Variants in RAD50 observed in about 807,000 individuals in gnomAD.
RAD50 encodes RAD50 double strand break repair protein.
In RAD50, 132 loss-of-function variants were observed where a neutral mutation model predicts 168.8. The ratio of observed to expected loss-of-function variants is 0.78; its 90% CI spans 0.68 to 0.90. The LOEUF (loss-of-function observed/expected upper bound fraction) is 0.90, where lower values mean the gene tolerates loss of function less well. Among genes scored for constraint, RAD50 ranks in the 40% least tolerant of loss-of-function variants. The probability of loss-of-function intolerance (pLI) is 0.00; values close to 1 mark genes in which losing one functional copy is unlikely to be tolerated. For synonymous variants in RAD50, 525 were observed against 497.4 expected, an observed-to-expected ratio of 1.06 and a Z score of -0.74; for missense variants, 1,347 against 1,534.4, an observed-to-expected ratio of 0.88 and a Z score of 2.04.
intron 5 of RAD50, among the ~76,000 whole-genome samples, chr5:132,586,720 C>T (rs1750600967): frequency 6.6e-6 from 1 of 152,086 alleles, no homozygotes; most frequent in African/African-American, 2.4e-5. Context: ...TTAGGTTCTG[C>T]TGGGCATGGT....
chr5:132,597,941 A>G (rs1296529439), intron 13 of RAD50, among the ~76,000 whole-genome samples: 1 of 152,226 alleles, frequency 6.6e-6, no homozygotes, highest in African/African-American at 2.4e-5. Flanking sequence ...TGAAATTGGT[A>G]GAAAGTACAC....
intron 10 of RAD50, among the ~76,000 whole-genome samples, 197 bp from the exon 11 acceptor site, chr5:132,591,680 C>G (rs1750702554): frequency 6.6e-6 from 1 of 151,992 alleles, no homozygotes; most frequent in South Asian, 2.1e-4. Context: ...TATTGTTCGA[C>G]TTGGTACTCC....
At chr5:132,572,032 T>C (rs1442351901) in intron 2 of RAD50, among the ~76,000 whole-genome samples, 1 of 152,208 alleles carries the variant, frequency 6.6e-6, no homozygotes. Context: ...CTGAATCCTT[T>C]TGCTCTAAAG....
At chr5:132,617,097 A>C (rs948531043) in intron 20 of RAD50, among the ~76,000 whole-genome samples, 1 of 152,186 alleles carries the variant, frequency 6.6e-6, no homozygotes, top group Non-Finnish European at 1.5e-5. Context: ...AGAGGAAATT[A>C]TGATGAAAGC....
chr5:132,634,247 G>A (rs1751531446), intron 21 of RAD50, among the ~76,000 whole-genome samples: 1 of 151,888 alleles, frequency 6.6e-6, no homozygotes, highest in Admixed American at 6.6e-5. Context: ...TTATCCTATT[G>A]TAAAGTTTTA....
chr5:132,570,381 A>C (rs1450187199), intron 2 of RAD50, among the ~76,000 whole-genome samples: 1 of 152,266 alleles, frequency 6.6e-6, no homozygotes, highest in Non-Finnish European at 1.5e-5. Context: ...ATTGCAGGTT[A>C]AGTTCTAATG....
rs786201152 is a variant in RAD50 at position 132,589,669 on chromosome 5, G to A, written c.1284G>A (p.Gln428=). 5.0e-6 allele frequency: 8 copies of A among 1,607,302 alleles called. No homozygotes were observed. Among genetic ancestry groups the A allele is most frequent in the Non-Finnish European group, 6.8e-6 (8 of 1,176,990 alleles). Residue 428 remains glutamine, a synonymous_variant, in exon 9 of 25, where the codon CAG becomes CAA. Coordinates refer to ENST00000378823, the MANE Select transcript of RAD50 (RefSeq NM_005732.4). ...FAEKETLKQK[Q]IDEIRDKKTG... ...AAAAAGAGACTCTGAAACAAAAACAGATAGATGAGATAAGAGATAAGAAAA... is the reference window on the plus strand; with the variant it reads ...AAAAAGAGACTCTGAAACAAAAACAAATAGATGAGATAAGAGATAAGAAAA...
At chr5:132,640,529 C>T (rs1209096844) in intron 23 of RAD50, 143 bp from the exon 24 acceptor site, 2 of 1,114,132 alleles carry the variant, frequency 1.8e-6, no homozygotes, top group African/African-American at 3.1e-5. Flanking sequence ...GTGCTGGGCT[C>T]TCCCAGAGGG....
chr5:132,616,713 C>T (rs17772565), intron 20 of RAD50, among the ~76,000 whole-genome samples: 12,624 of 152,192 alleles, frequency 0.083, 769 homozygotes, highest in East Asian at 0.32. Flanking sequence ...TCTGTAAGAA[C>T]CTTGTTGATG....
intron 13 of RAD50, among the ~76,000 whole-genome samples, chr5:132,598,407 T>C (rs1750829777): frequency 6.6e-6 from 1 of 152,212 alleles, no homozygotes; most frequent in South Asian, 2.1e-4. Context: ...CCACAGTTCC[T>C]TGTATATTGC....
intron 19 of RAD50, among the ~76,000 whole-genome samples, chr5:132,613,399 A>AG (rs1751120778): frequency 6.6e-6 from 1 of 152,046 alleles, no homozygotes; most frequent in Non-Finnish European, 1.5e-5. Context: ...GAATGGAAAA[A>AG]CATTTGTGGT....
intron 13 of RAD50, among the ~76,000 whole-genome samples, chr5:132,603,017 T>C (rs1223971124): frequency 6.6e-6 from 1 of 152,196 alleles, no homozygotes; most frequent in Non-Finnish European, 1.5e-5. Flanking sequence ...AGCAAGATAT[T>C]TACATAGTCT....
chr5:132,621,311 A>G (rs1398336160), intron 21 of RAD50, among the ~76,000 whole-genome samples: 3 of 152,202 alleles, frequency 2.0e-5, no homozygotes, highest in Non-Finnish European at 4.4e-5. Context: ...TTTAAAAACC[A>G]TAGCTTTAAT....
intron 2 of RAD50, among the ~76,000 whole-genome samples, chr5:132,574,887 A>G (rs1254820510): frequency 6.6e-6 from 1 of 152,144 alleles, no homozygotes; most frequent in Non-Finnish European, 1.5e-5. Context: ...CCTTATCTCC[A>G]TCTGAGACCA....
chr5:132,620,224 G>T (rs949285118), intron 21 of RAD50, among the ~76,000 whole-genome samples: 6 of 152,124 alleles, frequency 3.9e-5, no homozygotes, highest in African/African-American at 1.4e-4. Context: ...TTGTCTAAAA[G>T]TTTTAAATTT....
intron 16 of RAD50, among the ~76,000 whole-genome samples, chr5:132,605,396 A>G (rs529651712): frequency 1.3e-5 from 2 of 152,076 alleles, no homozygotes; most frequent in African/African-American, 4.8e-5. Context: ...GCTGGAATGC[A>G]GTGGTACAGT....
intron 13 of RAD50, among the ~76,000 whole-genome samples, chr5:132,600,541 C>A (rs1002871708): frequency 3.3e-5 from 5 of 152,150 alleles, no homozygotes; most frequent in African/African-American, 1.2e-4. Flanking sequence ...CTCAAATTCG[C>A]CAGTATCTAA....
At chr5:132,612,680 T>C (rs913485655) in intron 19 of RAD50, among the ~76,000 whole-genome samples, 2 of 151,936 alleles carry the variant, frequency 1.3e-5, no homozygotes, top group Non-Finnish European at 2.9e-5. Flanking sequence ...ACAAAAAAAT[T>C]AGCCAGGTGT....
intron 13 of RAD50, among the ~76,000 whole-genome samples, chr5:132,599,091 G>A (rs1275588188): frequency 6.6e-6 from 1 of 152,144 alleles, no homozygotes; most frequent in Non-Finnish European, 1.5e-5. Flanking sequence ...GAACTGTAGT[G>A]TCTATTCCCG....
Sources: allele counts gnomAD v4.1 joint callset (sites outside exome capture counted in the v4.1 genomes callset), GRCh38; gene constraint gnomAD v4.1.1; transcripts MANE v1.5; gene names NCBI Gene and HGNC (gene_info 2026-07-23, HGNC 2026-07-21).